PDCD2: variants seen among roughly 807,000 people sequenced by gnomAD.
PDCD2 encodes the protein uS5 assembly chaperone PDCD2.
PDCD2 carries 38 observed loss-of-function variants against 38.1 expected under a neutral mutation model. The observed-to-expected ratio is 1.00, with a 90% confidence interval of 0.77 to 1.31. The LOEUF (loss-of-function observed/expected upper bound fraction) is 1.31, where lower values mean the gene tolerates loss of function less well. Among genes scored for constraint, PDCD2 ranks in the 50% most tolerant of loss-of-function variants. The probability of loss-of-function intolerance (pLI) is 0.00; values close to 1 mark genes in which losing one functional copy is unlikely to be tolerated. For missense variants in PDCD2, 473 were observed against 435.7 expected (o/e 1.09, Z -0.76); for synonymous variants, 205 against 168.9 (o/e 1.21, Z -1.66).
chr6:170,582,568 G>A, intron 3 of PDCD2: 5 of 1,319,324 alleles, frequency 3.8e-6, no homozygotes, highest in Non-Finnish European at 4.9e-6. Flanking sequence ...TAAGGTAAGT[G>A]CTGGATAAAT....
chr6:170,584,109 A>C, intron 1 of PDCD2, 190 bp downstream of exon 1: 1 of 565,770 alleles, frequency 1.8e-6, no homozygotes, highest in Non-Finnish European at 2.8e-6. Flanking sequence ...GCACAGTTAG[A>C]AGCTTATGTA....
chr6:170,580,093 T>G lies in PDCD2; in HGVS notation c.671A>C (p.Glu224Ala). The G allele has an allele frequency of 6.2e-7, 1 of 1,602,166 alleles. No individual in the cohort carries two copies. Among genetic ancestry groups the G allele is most frequent in the South Asian group, 1.1e-5 (1 of 90,816 alleles). The change falls in exon 4 of 6, where the codon GAG becomes GCG. Residue 224 changes from glutamate (E) to alanine (A), a missense_variant. Glu to Ala is a moderately radical substitution (Grantham distance 107). Coordinates refer to ENST00000541970, the MANE Select transcript of PDCD2 (RefSeq NM_002598.4). ...TTTTGCCATGGAATCCAGTTCTTCC[T>G]CAAGTGCTTCACCTGAAAAATCAAC... is the stretch of plus-strand genomic sequence containing the variant. ...EIIGSMGEALEEELDSMAKHE... is the reference protein window; with the variant it reads ...EIIGSMGEALAEELDSMAKHE...
chr6:170,578,500 A>G, intron 5 of PDCD2: 1 of 646,692 alleles, frequency 1.5e-6, no homozygotes, highest in Non-Finnish European at 2.7e-6. Context: ...ATAGTCAAAG[A>G]CTTTAATTAC....
At chr6:170,579,944 A>G (rs965556660) in intron 4 of PDCD2, 58 bp downstream of exon 4, 1 of 881,044 alleles carries the variant, frequency 1.1e-6, no homozygotes, top group East Asian at 2.4e-5. Context: ...CTTACAGATT[A>G]TACTCATAAA....
rs1011735601 is a variant in PDCD2, at chr6:170,575,522, G to A, written c.*2037C>T. 1 of 152,120 alleles carries A rather than the reference G, an allele frequency of 6.6e-6. No individual in the cohort carries two copies. Among genetic ancestry groups the A allele is most frequent in the African/African-American group, 2.4e-5 (1 of 41,424 alleles). The allele number at this position is 152,120 out of a possible 1,614,324, so 9.4% of individuals were successfully genotyped here. A position where few individuals can be genotyped will look rare whatever the true frequency, so the allele number is the denominator to read the frequency against. ...CCGTCTGTGGAGCCATGATTATGTA[G>A]GTGAGACTTGCTCATTATCTTGTAG... On this transcript the variant is annotated 3_prime_UTR_variant, in exon 6 of 6. Coordinates refer to ENST00000541970, the MANE Select transcript of PDCD2 (RefSeq NM_002598.4).
At chr6:170,577,927 G>A (rs939942787) in intron 5 of PDCD2, among the ~76,000 whole-genome samples, 1 of 152,150 alleles carries the variant, frequency 6.6e-6, no homozygotes, top group Non-Finnish European at 1.5e-5. Flanking sequence ...TTTTCCATTT[G>A]AGAAAGAAGT....
At chr6:170,584,209 G>A in intron 1 of PDCD2, 90 bp downstream of exon 1, 3 of 1,254,064 alleles carry the variant, frequency 2.4e-6, no homozygotes, top group Non-Finnish European at 2.0e-6. Context: ...CGGCAGCGGT[G>A]CTTGCCGCCG....
At chr6:170,584,117 G>A (rs1056623472) in intron 1 of PDCD2, 182 bp downstream of exon 1, 7 of 604,988 alleles carry the variant, frequency 1.2e-5, no homozygotes, top group Admixed American at 4.2e-5. Context: ...AGAAGCTTAT[G>A]TAGCAAAAAT....
rs1779619044 is a variant in PDCD2, at chr6:170,581,994, T to C, written c.658+1063A>G. 5.8e-6 allele frequency: 5 copies of C among 867,430 alleles called. No homozygotes were observed. In the East Asian group the frequency reaches 1.6e-4, roughly 28 times the overall value. The allele number at this position is 867,430 out of a possible 1,614,324, so 53.7% of individuals were successfully genotyped here. On this transcript the variant is annotated intron_variant, in intron 3 of 5. Coordinates refer to ENST00000541970, the MANE Select transcript of PDCD2 (RefSeq NM_002598.4). ...TCACATTTACACTAACAAGGCATAT[T>C]TGAAGTCCAGCTTTCATCCTTGATC...
chr6:170,582,157 T>G, intron 3 of PDCD2: 1 of 1,530,206 alleles, frequency 6.5e-7, no homozygotes, highest in East Asian at 2.4e-5. Context: ...GCACCTGTAT[T>G]GTACTCTTAT....
rs1445425021 is a variant in PDCD2, at chr6:170,583,613, A to G, written c.418T>C (p.Cys140Arg). 1.2e-6 allele frequency: 2 copies of G among 1,613,940 alleles called. No homozygotes were observed. The highest frequency in any genetic ancestry group is 1.7e-6 in the Non-Finnish European group (2 of 1,179,940). Residue 140 changes from cysteine to arginine, a missense_variant, in exon 2 of 6, where the codon TGT becomes CGT. Physicochemically the swap from Cys to Arg is radical, Grantham distance 180 (BLOSUM62 -3). Coordinates refer to ENST00000541970, the MANE Select transcript of PDCD2 (RefSeq NM_002598.4). ...SGAHLCRVCG[C>R]LGPKTCSRCH... ...CTGGAGCACGTTTTGGGGCCTAAAC[A>G]GCCACAAACCCTGCAGAGATGAGCA...
In PDCD2 at chr6:170,583,712, A is replaced by G. The variant is rs1779699639; in HGVS notation, c.319T>C (p.Tyr107His). ...TTCTCAGAAGGTGGCTCATATGAGTAAAAATCGTTTTTCCTGGGTAGTTGA... is the reference window on the plus strand; with the variant it reads ...TTCTCAGAAGGTGGCTCATATGAGTGAAAATCGTTTTTCCTGGGTAGTTGA... Reference protein sequence around the residue: ...RNQLPRKNDFYSYEPPSENPP... With the variant: ...RNQLPRKNDFHSYEPPSENPP... Residue 107 changes from tyrosine to histidine, a missense_variant, in exon 2 of 6, where the codon TAC (tyrosine) becomes CAC (histidine). Physicochemically the swap from Tyr to His is moderately conservative, Grantham distance 83 (BLOSUM62 2). Coordinates refer to ENST00000541970, the MANE Select transcript of PDCD2 (RefSeq NM_002598.4). The G allele has an allele frequency of 1.2e-6, 2 of 1,613,112 alleles. No homozygotes were observed. The highest frequency in any genetic ancestry group is 2.7e-5 in the African/African-American group (2 of 74,896).
rs1583146931 is a variant in PDCD2 at position 170,584,605 on chromosome 6, C to G, written c.-24G>C. On this transcript the variant is annotated 5_prime_UTR_variant, in exon 1 of 6. Coordinates refer to ENST00000541970, the MANE Select transcript of PDCD2 (RefSeq NM_002598.4). ...ATGCGGGGCGCGGGCTGGCGTGGGG[C>G]GCAGCCCACAGCTGGGTCGGAAGGC... 1.6e-6 allele frequency: 2 copies of G among 1,225,342 alleles called. No individual in the cohort carries two copies. The highest frequency in any genetic ancestry group is 3.2e-5 in the East Asian group (1 of 30,900). 75.9% of individuals were successfully genotyped at this position (1,225,342 alleles called of 1,614,324 possible).
In PDCD2 at chr6:170,577,485, T is replaced by G. The variant is rs1174175311; in HGVS notation, c.*74A>C. On this transcript the variant is annotated 3_prime_UTR_variant, in exon 6 of 6. Transcript: ENST00000541970. ...CTCTATTTTTGGTATAAGTATTTCC[T>G]TAGGATAAAATCCCAGAAATGGAAT... 1 of 1,292,412 alleles carries G rather than the reference T, an allele frequency of 7.7e-7. No homozygotes were observed. The highest frequency in any genetic ancestry group is 1.5e-5 in the African/African-American group (1 of 68,618). The allele number at this position is 1,292,412 out of a possible 1,614,324, so 80.1% of individuals were successfully genotyped here.
At chr6:170,580,790 A>G (rs1292259095) in intron 3 of PDCD2, among the ~76,000 whole-genome samples, 1 of 152,142 alleles carries the variant, frequency 6.6e-6, no homozygotes, top group Non-Finnish European at 1.5e-5. Context: ...GCTGTCCCCA[A>G]CAGACCCGTG....
At position 170,583,684 on chromosome 6, in the gene PDCD2, G is replaced by A. The variant is rs772756754; in HGVS notation, c.347C>T (p.Pro116Leu). ...FYSYEPPSENPPPETGESVCL... is the reference protein window; with the variant it reads ...FYSYEPPSENLPPETGESVCL... ...CACTGATTCTCCTGTTTCTGGGGGA[G>A]GATTCTCAGAAGGTGGCTCATATGA... is the stretch of plus-strand genomic sequence containing the variant. Residue 116 changes from proline to leucine, a missense_variant, in exon 2 of 6, where the codon CCT (proline) becomes CTT (leucine). Physicochemically the swap from Pro to Leu is moderately conservative, Grantham distance 98. Transcript: ENST00000541970. 6.2e-7 allele frequency: 1 copy of A among 1,613,356 alleles called. No homozygotes were observed. The highest frequency in any genetic ancestry group is 8.5e-7 in the Non-Finnish European group (1 of 1,179,336).
At position 170,577,820 on chromosome 6, in the gene PDCD2, T is replaced by C. The variant is rs1371300864; in HGVS notation, c.877-103A>G. 12 of 1,023,838 alleles carry C rather than the reference T, an allele frequency of 1.2e-5. 1 individual carries two copies. In the Admixed American group the frequency reaches 2.5e-4, roughly 21 times the overall value. 63.4% of individuals were successfully genotyped at this position (1,023,838 alleles called of 1,614,324 possible). A position where few individuals can be genotyped will look rare whatever the true frequency, so the allele number is the denominator to read the frequency against. On this transcript the variant is annotated intron_variant, in intron 5 of 5. Coordinates refer to ENST00000541970, the MANE Select transcript of PDCD2 (RefSeq NM_002598.4). ...AGGGATCTTGGTCTTTCAATCCTCA[T>C]ACTACAAAGCAGGATTATAGACATT...
intron 1 of PDCD2, 53 bp from the exon 2 acceptor site, chr6:170,583,800 A>AT: frequency 7.2e-7 from 1 of 1,386,206 alleles, no homozygotes; most frequent in South Asian, 1.3e-5. Context: ...AGCAATTCAC[A>AT]TATTTTATCC....
chr6:170,584,370 C>T lies in PDCD2; in HGVS notation c.212G>A (p.Arg71His). 1 of 1,493,638 alleles carries T rather than the reference C, an allele frequency of 6.7e-7. No individual in the cohort carries two copies. The highest frequency in any genetic ancestry group is 2.7e-5 in the East Asian group (1 of 36,990). 92.5% of individuals were successfully genotyped at this position (1,493,638 alleles called of 1,614,324 possible). A position where few individuals can be genotyped will look rare whatever the true frequency, so the allele number is the denominator to read the frequency against. Reference protein sequence around the residue: ...LLQVYAPLPGRPDAFHRCIFL... With the variant: ...LLQVYAPLPGHPDAFHRCIFL... ...GATGCAGCGGTGGAAGGCGTCCGGGCGGCCAGGCAGCGGCGCATACACCTG... is the reference window on the plus strand; with the variant it reads ...GATGCAGCGGTGGAAGGCGTCCGGGTGGCCAGGCAGCGGCGCATACACCTG... Residue 71 changes from arginine (R) to histidine (H), a missense_variant, in exon 1 of 6, where the codon CGC becomes CAC. Transcript: ENST00000541970.
Sources: allele counts gnomAD v4.1 joint callset (sites outside exome capture counted in the v4.1 genomes callset), GRCh38; gene constraint gnomAD v4.1.1; transcripts MANE v1.5; gene names NCBI Gene and HGNC (gene_info 2026-07-23, HGNC 2026-07-21).